The following FTO variants were observed in gnomAD, a reference collection of about 807,000 sequenced individuals.
FTO encodes the protein alpha-ketoglutarate-dependent dioxygenase FTO.
In FTO, 47 loss-of-function variants were observed where a neutral mutation model predicts 63.9. That is an observed-to-expected ratio of 0.74 (90% confidence interval 0.58 to 0.94). The LOEUF (loss-of-function observed/expected upper bound fraction) is 0.94, where lower values mean the gene tolerates loss of function less well. FTO is among the 40% of genes least tolerant of loss of function. The probability of loss-of-function intolerance (pLI) is 0.00; values close to 1 mark genes in which losing one functional copy is unlikely to be tolerated. For synonymous variants in FTO, 207 were observed against 224.4 expected, an observed-to-expected ratio of 0.92 and a Z score of 0.69; for missense variants, 562 against 618.1, an observed-to-expected ratio of 0.91 and a Z score of 0.96.
intron 1 of FTO, among the ~76,000 whole-genome samples, chr16:53,733,113 A>C (rs1423630628): frequency 6.6e-6 from 1 of 152,142 alleles, no homozygotes; most frequent in Non-Finnish European, 1.5e-5. Flanking sequence ...CTAAAGATGA[A>C]CTGAGGCCAG....
chr16:53,893,821 G>A (rs923243419), intron 7 of FTO, among the ~76,000 whole-genome samples: 6 of 152,178 alleles, frequency 3.9e-5, no homozygotes, highest in African/African-American at 1.4e-4. Flanking sequence ...AGTAGATCCT[G>A]ATGGTTTTGA....
intron 1 of FTO, among the ~76,000 whole-genome samples, chr16:53,705,542 G>T (rs1316670324): frequency 6.6e-6 from 1 of 152,196 alleles, no homozygotes; most frequent in Non-Finnish European, 1.5e-5. Context: ...TGCTTTCATA[G>T]AATTTCATCT....
chr16:53,942,257 G>A (rs888823144), intron 8 of FTO, among the ~76,000 whole-genome samples: 4 of 152,262 alleles, frequency 2.6e-5, no homozygotes, highest in South Asian at 2.1e-4. Flanking sequence ...CAGTTCTCTG[G>A]TGTTTAAGCC....
At chr16:53,846,996 TTTC>T (rs2079641854) in intron 4 of FTO, among the ~76,000 whole-genome samples, 1 of 152,276 alleles carries the variant, frequency 6.6e-6, no homozygotes, top group South Asian at 2.1e-4. Context: ...ATTTAATATA[TTTC>T]TTTTCAGTCT....
At chr16:53,979,560 TGTG>T in intron 8 of FTO, 1 of 392,498 alleles carries the variant, frequency 2.5e-6, no homozygotes, top group Non-Finnish European at 4.5e-6. Flanking sequence ...TGTGTGTGTG[TGTG>T]TGTGCGCGCG....
intron 7 of FTO, among the ~76,000 whole-genome samples, chr16:53,919,278 C>T (rs2081954184): frequency 6.6e-6 from 1 of 152,092 alleles, no homozygotes; most frequent in Admixed American, 6.6e-5. Flanking sequence ...ATAATGTTGG[C>T]TGCTGTATCA....
At chr16:53,911,587 C>G in intron 7 of FTO, 2 of 665,674 alleles carry the variant, frequency 3.0e-6, no homozygotes, top group Non-Finnish European at 5.5e-6. Context: ...CTGTGTGGCA[C>G]TGATGTTTAC....
intron 7 of FTO, among the ~76,000 whole-genome samples, chr16:53,902,856 G>A (rs1273135680): frequency 6.6e-6 from 1 of 152,176 alleles, no homozygotes; most frequent in Non-Finnish European, 1.5e-5. Flanking sequence ...GCTCATTCCT[G>A]TAATTCTAGC....
chr16:53,966,025 G>A (rs752110962), intron 8 of FTO, among the ~76,000 whole-genome samples: 1 of 152,006 alleles, frequency 6.6e-6, no homozygotes, highest in African/African-American at 2.4e-5. Context: ...ACGCCACCAC[G>A]CCTAACTAAT....
At chr16:53,935,701 G>T (rs1370345245) in intron 8 of FTO, 3 of 152,174 alleles carry the variant, frequency 2.0e-5, no homozygotes, top group Admixed American at 2.0e-4. Context: ...GAGCCACCAT[G>T]CCTGCCCAGT....
At chr16:54,063,104 G>T (rs980566829) in intron 8 of FTO, among the ~76,000 whole-genome samples, 1 of 152,196 alleles carries the variant, frequency 6.6e-6, no homozygotes, top group African/African-American at 2.4e-5. Context: ...AACTGTGGAT[G>T]TTGTGTCTTT....
At chr16:53,805,974 C>T (rs1439203491) in intron 1 of FTO, among the ~76,000 whole-genome samples, 1 of 152,162 alleles carries the variant, frequency 6.6e-6, no homozygotes, top group African/African-American at 2.4e-5. Flanking sequence ...TGCTGCAGGG[C>T]CCAGCTGTGT....
rs1400653989 is a variant in FTO, at chr16:53,988,273, C to T, written c.1364+54164C>T. The stretch of plus-strand genomic sequence containing the variant: ...CTTGTAAATATGGTTAAACTTTTAG[C>T]TTTCTACTACTTGGTGACCTGTTAA... On this transcript the variant is annotated intron_variant, in intron 8 of 8. Transcript: ENST00000471389. Among the ~76,000 whole-genome samples the T allele has an allele frequency of 2.1e-4, 32 of 152,082 alleles. 1 individual carries two copies. The highest frequency in any genetic ancestry group is 2.1e-3 in the Admixed American group (32 of 15,252).
chr16:53,850,489 C>T (rs1372324088), intron 4 of FTO, among the ~76,000 whole-genome samples: 2 of 152,022 alleles, frequency 1.3e-5, no homozygotes, highest in Non-Finnish European at 2.9e-5. Flanking sequence ...AAGGTCATGA[C>T]TTATGGAATT....
intron 3 of FTO, among the ~76,000 whole-genome samples, chr16:53,842,237 G>C (rs7203051): frequency 0.45 from 68,616 of 151,898 alleles, 15,973 homozygotes; most frequent in South Asian, 0.55. Flanking sequence ...AGTTTAAAGT[G>C]TGATGGAATT....
intron 8 of FTO, among the ~76,000 whole-genome samples, chr16:54,085,938 C>T (rs2086246176): frequency 6.6e-6 from 1 of 152,128 alleles, no homozygotes; most frequent in Non-Finnish European, 1.5e-5. Context: ...TCCACAGTGC[C>T]ATTTCTTCTA....
At chr16:53,737,061 G>A (rs1211850724) in intron 1 of FTO, among the ~76,000 whole-genome samples, 1 of 152,158 alleles carries the variant, frequency 6.6e-6, no homozygotes, top group East Asian at 1.9e-4. Flanking sequence ...CTCTTTGATG[G>A]TGAGTCCTTG....
Position 54,011,030 on chromosome 16 carries a change from C to G in FTO, c.1364+76921C>G, listed in dbSNP as rs141099240. ...GGAGAGGAAGGAGGCTGGATGGTTA[C>G]ATTAGAATATTTCCAGAGGGAACCT... On this transcript the variant is annotated intron_variant, in intron 8 of 8. Coordinates refer to ENST00000471389, the MANE Select transcript of FTO (RefSeq NM_001080432.3). Among the ~76,000 whole-genome samples, 9 of 152,244 alleles carry G rather than the reference C, an allele frequency of 5.9e-5. No individual in the cohort carries two copies. The East Asian group carries it at 1.7e-3, about 29-fold the overall frequency.
intron 8 of FTO, among the ~76,000 whole-genome samples, chr16:54,096,509 A>ATTCCTGG (rs1254001721): frequency 6.6e-6 from 1 of 152,252 alleles, no homozygotes; most frequent in African/African-American, 2.4e-5. Context: ...ATGAAGCGGC[A>ATTCCTGG]GCTTAAAGAC....
Sources: allele counts gnomAD v4.1 joint callset (sites outside exome capture counted in the v4.1 genomes callset), GRCh38; gene constraint gnomAD v4.1.1; transcripts MANE v1.5; gene names NCBI Gene and HGNC (gene_info 2026-07-23, HGNC 2026-07-21).